Variants in TRERF1 observed in about 807,000 individuals in gnomAD.
TRERF1 encodes the protein transcriptional regulating factor 1.
In TRERF1, 27 loss-of-function variants were observed where a neutral mutation model predicts 122.9. That is an observed-to-expected ratio of 0.22 (90% CI 0.16 to 0.30). The LOEUF (loss-of-function observed/expected upper bound fraction) is 0.30, where lower values mean the gene tolerates loss of function less well. Among genes scored for constraint, TRERF1 ranks in the 10% least tolerant of loss-of-function variants. The pLI, the probability that TRERF1 is intolerant of heterozygous loss-of-function variation, is 1.00. For synonymous variants in TRERF1, 636 were observed against 641.7 expected (o/e 0.99, Z 0.13); for missense variants, 1,248 against 1,560.3 (o/e 0.80, Z 3.37).
intron 2 of TRERF1, among the ~76,000 whole-genome samples, chr6:42,417,759 G>A (rs1023214314): frequency 6.6e-6 from 1 of 152,194 alleles, no homozygotes; most frequent in African/African-American, 2.4e-5. Context: ...GCCCCTGTGG[G>A]CTCCAGGGAG....
intron 4 of TRERF1, among the ~76,000 whole-genome samples, chr6:42,292,394 C>T (rs1784447307): frequency 6.6e-6 from 1 of 152,170 alleles, no homozygotes; most frequent in South Asian, 2.1e-4. Flanking sequence ...CTTGCTTACT[C>T]TAACATCCCC....
intron 2 of TRERF1, among the ~76,000 whole-genome samples, chr6:42,389,181 C>T (rs1267718931): frequency 3.3e-5 from 5 of 152,236 alleles, no homozygotes; most frequent in African/African-American, 1.2e-4. Flanking sequence ...CAGTAGAATA[C>T]AGTTGACACT....
chr6:42,314,639 T>C (rs929395877), intron 3 of TRERF1, among the ~76,000 whole-genome samples: 7 of 152,110 alleles, frequency 4.6e-5, no homozygotes, highest in Non-Finnish European at 1.0e-4. Flanking sequence ...TGGCTGTAGA[T>C]GCTATGGGAA....
At chr6:42,437,904 G>GTTAT (rs574262518) in intron 2 of TRERF1, among the ~76,000 whole-genome samples, 3,285 of 151,848 alleles carry the variant, frequency 0.022, 128 homozygotes, top group African/African-American at 0.071. Context: ...GTAGGCAGCT[G>GTTAT]TTATTTATTT....
chr6:42,298,414 C>T (rs1785471847), intron 4 of TRERF1, among the ~76,000 whole-genome samples: 1 of 151,772 alleles, frequency 6.6e-6, no homozygotes, highest in Non-Finnish European at 1.5e-5. Context: ...CCAAGGCCTC[C>T]CAAAGTGCTG....
chr6:42,376,109 G>A (rs899640847), intron 2 of TRERF1, among the ~76,000 whole-genome samples: 3 of 152,130 alleles, frequency 2.0e-5, no homozygotes, highest in Non-Finnish European at 4.4e-5. Context: ...AGATGTTGGG[G>A]TCAGCCCAAT....
chr6:42,443,963 G>A (rs1021677303), intron 2 of TRERF1, among the ~76,000 whole-genome samples: 10 of 152,118 alleles, frequency 6.6e-5, no homozygotes, highest in Admixed American at 2.0e-4. Flanking sequence ...TTGAAGAGGA[G>A]AGGTGAAGAT....
chr6:42,260,781 G>A (rs556249040), intron 8 of TRERF1, among the ~76,000 whole-genome samples: 1 of 152,250 alleles, frequency 6.6e-6, no homozygotes, highest in East Asian at 1.9e-4. Flanking sequence ...GGCTGGCTAC[G>A]GTCATGTGAC....
At chr6:42,399,036 C>G (rs1437861721) in intron 2 of TRERF1, among the ~76,000 whole-genome samples, 1 of 152,172 alleles carries the variant, frequency 6.6e-6, no homozygotes, top group African/African-American at 2.4e-5. Flanking sequence ...CACCTGCCGC[C>G]TGGAAAACAC....
chr6:42,316,723 G>A (rs907659229), intron 3 of TRERF1, among the ~76,000 whole-genome samples: 1 of 152,090 alleles, frequency 6.6e-6, no homozygotes, highest in Non-Finnish European at 1.5e-5. Flanking sequence ...GACCAAAATC[G>A]CCTTTGTCTT....
In TRERF1 at chr6:42,408,227, A is replaced by ATATATG. The variant is rs150915297; in HGVS notation, c.-454+42949_-454+42950insCATATA. On this transcript the variant is annotated intron_variant, in intron 2 of 17. Transcript: ENST00000372922. ...TATAAATAAATATATATATATATATATGTGTGTGTGTATGTATATATACAT... is the reference window on the plus strand; with the variant it reads ...TATAAATAAATATATATATATATATATATATGTGTGTGTGTGTATGTATATATACAT... Among the ~76,000 whole-genome samples, 1,114 of 116,658 alleles carry ATATATG rather than the reference A, an allele frequency of 9.5e-3. 28 individuals are homozygous for ATATATG. The highest frequency in any genetic ancestry group is 0.019 in the Admixed American group (214 of 11,554). 76.5% of individuals were successfully genotyped at this position (116,658 alleles called of 152,430 possible). A position where few individuals can be genotyped will look rare whatever the true frequency, so the allele number is the denominator to read the frequency against.
chr6:42,380,906 C>G (rs773685965), intron 2 of TRERF1, among the ~76,000 whole-genome samples: 1 of 152,234 alleles, frequency 6.6e-6, no homozygotes, highest in East Asian at 1.9e-4. Context: ...TCCTCCACTT[C>G]TGTCCTGGGA....
chr6:42,322,805 C>T (rs1293132943), intron 3 of TRERF1, among the ~76,000 whole-genome samples: 1 of 152,092 alleles, frequency 6.6e-6, no homozygotes, highest in Admixed American at 6.5e-5. Flanking sequence ...ACTGATGAGG[C>T]TGAGAGGAAG....
At chr6:42,292,914 G>C (rs1259880088) in intron 4 of TRERF1, among the ~76,000 whole-genome samples, 4 of 152,170 alleles carry the variant, frequency 2.6e-5, no homozygotes, top group Non-Finnish European at 4.4e-5. Flanking sequence ...TTTCAAGAGG[G>C]TACCCAGCTC....
At chr6:42,396,960 C>G (rs1454801603) in intron 2 of TRERF1, among the ~76,000 whole-genome samples, 1 of 152,222 alleles carries the variant, frequency 6.6e-6, no homozygotes, top group East Asian at 1.9e-4. Context: ...CCCCCTTGGG[C>G]CACCCTTGCA....
At chr6:42,429,681 A>G (rs1475776561) in intron 2 of TRERF1, among the ~76,000 whole-genome samples, 3 of 152,198 alleles carry the variant, frequency 2.0e-5, no homozygotes. Flanking sequence ...AGCACTGGAC[A>G]TATATTTACG....
At chr6:42,283,685 C>T (rs1163679371) in intron 4 of TRERF1, among the ~76,000 whole-genome samples, 6 of 143,410 alleles carry the variant, frequency 4.2e-5, no homozygotes, top group Admixed American at 1.5e-4. Context: ...GGCACGATCT[C>T]GGCTCACCAC....
chr6:42,346,730 G>A (rs549168320), intron 3 of TRERF1, among the ~76,000 whole-genome samples: 3 of 152,246 alleles, frequency 2.0e-5, no homozygotes, highest in African/African-American at 4.8e-5. Context: ...CTAAAACCAG[G>A]ACAGTCCCAA....
intron 3 of TRERF1, among the ~76,000 whole-genome samples, chr6:42,354,152 T>C (rs1770060155): frequency 6.6e-6 from 1 of 152,100 alleles, no homozygotes; most frequent in Non-Finnish European, 1.5e-5. Flanking sequence ...TGGAGGGTGA[T>C]TGTGTCAGTG....
Sources: allele counts gnomAD v4.1 joint callset (sites outside exome capture counted in the v4.1 genomes callset), GRCh38; gene constraint gnomAD v4.1.1; transcripts MANE v1.5; gene names NCBI Gene and HGNC (gene_info 2026-07-23, HGNC 2026-07-21).